Variants in OSER1 observed in about 807,000 individuals in gnomAD.
OSER1 encodes the protein oxidative stress responsive serine rich 1, also known as oxidative stress-responsive serine-rich protein 1.
OSER1 carries 15 observed loss-of-function variants against 26.3 expected under a neutral mutation model. The observed-to-expected ratio is 0.57, with a 90% CI of 0.38 to 0.88. The LOEUF (loss-of-function observed/expected upper bound fraction) is 0.88. Ranked by LOEUF, OSER1 falls within the 40% of genes least tolerant of loss-of-function variation. The pLI is 0.00. For synonymous variants in OSER1, 127 were observed against 128.2 expected, an observed-to-expected ratio of 0.99 and a Z score of 0.07; for missense variants, 313 against 353.9, an observed-to-expected ratio of 0.88 and a Z score of 0.93.
chr20:44,208,387 GA>G (rs1367588431), intron 1 of OSER1, among the ~76,000 whole-genome samples: 1 of 143,380 alleles, frequency 7.0e-6, no homozygotes, highest in Non-Finnish European at 1.5e-5. Context: ...GCTCTCTGGG[GA>G]ACACTGAAAA....
intron 1 of OSER1, among the ~76,000 whole-genome samples, chr20:44,209,636 T>A (rs2073077332): frequency 6.6e-6 from 1 of 152,224 alleles, no homozygotes; most frequent in African/African-American, 2.4e-5. Flanking sequence ...CCAGGCAATT[T>A]AACTTTGCCT....
At chr20:44,211,522 A>G (rs1251065836), upstream of OSER1, among the ~76,000 whole-genome samples, 2 of 151,946 alleles carry the variant, frequency 1.3e-5, no homozygotes, top group Admixed American at 6.6e-5. Flanking sequence ...TTATCGGTGA[A>G]TCTCGTGTTT....
At chr20:44,204,445 T>C (rs2073019000) in intron 2 of OSER1, among the ~76,000 whole-genome samples, 1 of 152,232 alleles carries the variant, frequency 6.6e-6, no homozygotes, top group African/African-American at 2.4e-5. Flanking sequence ...CTTCCCTTCT[T>C]ATAATTTTAC....
chr20:44,211,250 C>T (rs944559848), upstream of OSER1: 2 of 152,358 alleles, frequency 1.3e-5, no homozygotes, highest in African/African-American at 4.8e-5. Context: ...AGCGCTTGGC[C>T]AGAGTTTCTG....
upstream of OSER1, chr20:44,211,098 C>T (rs990581405): frequency 6.6e-6 from 1 of 152,436 alleles, no homozygotes; most frequent in South Asian, 2.1e-4. Context: ...AGGCGTCATT[C>T]TTCACAGTAG....
chr20:44,203,012 G>A lies in OSER1; in HGVS notation c.140C>T (p.Thr47Ile). 6.2e-7 allele frequency: 1 copy of A among 1,613,504 alleles called. No homozygotes were observed. The highest frequency in any genetic ancestry group is 1.7e-5 in the Admixed American group (1 of 60,014). The change falls in exon 3 of 4, where the codon ACA becomes ATA. Residue 47 changes from threonine (T) to isoleucine (I), a missense_variant. Physicochemically the swap from Thr to Ile is moderately conservative, Grantham distance 89. Coordinates refer to ENST00000255174, the MANE Select transcript of OSER1 (RefSeq NM_016470.8). ...TGVRAPVRTA[T>I]DDTKPKTTCA... is the part of the protein sequence containing the mutation. ...TGTGGTTTTAGGTTTGGTATCATCTGTTGCTGTTCTGACTGGTGCTCTGAC... is the reference window on the plus strand; with the variant it reads ...TGTGGTTTTAGGTTTGGTATCATCTATTGCTGTTCTGACTGGTGCTCTGAC...
chr20:44,206,869 A>G lies in OSER1; in HGVS notation c.77+12T>C. On this transcript the variant is annotated intron_variant, in intron 2 of 3. Transcript: ENST00000255174. ...CAAATAATTCCAAATAATATATTAC[A>G]TATTTAATTACCCTGATGCATCCAC... 9.9e-7 allele frequency: 1 copy of G among 1,005,802 alleles called. No individual in the cohort carries two copies. The highest frequency in any genetic ancestry group is 1.3e-5 in the South Asian group (1 of 77,082). 62.3% of individuals were successfully genotyped at this position (1,005,802 alleles called of 1,614,324 possible).
intron 1 of OSER1, among the ~76,000 whole-genome samples, chr20:44,209,635 T>G (rs906021135): frequency 2.0e-5 from 3 of 152,188 alleles, no homozygotes; most frequent in Non-Finnish European, 4.4e-5. Flanking sequence ...ACCAGGCAAT[T>G]TAACTTTGCC....
intron 2 of OSER1, among the ~76,000 whole-genome samples, chr20:44,204,606 C>T (rs113581194): frequency 6.9e-4 from 105 of 152,186 alleles, no homozygotes; most frequent in African/African-American, 2.5e-3. Flanking sequence ...AGGTAGTGAA[C>T]ACAGTACCCT....
In OSER1 at chr20:44,197,097, A is replaced by G. The variant is rs377752963; in HGVS notation, c.834T>C (p.Tyr278=). ...DLSGYMEYYL[Y]IPKKMSHMAE... ...CCATGTGGGACATTTTCTTGGGAAT[A>G]TACAAGTAATACTCCATGTAGCCTG... The change falls in exon 4 of 4, where the codon TAT becomes TAC. Residue 278 remains tyrosine, a synonymous_variant. Transcript: ENST00000255174. 1.8e-4 allele frequency: 290 copies of G among 1,613,672 alleles called. 5 individuals are homozygous for G. The South Asian group carries it at 3.0e-3, about 17-fold the overall frequency.
intron 3 of OSER1, 63 bp from the exon 4 acceptor site, chr20:44,197,802 T>G: frequency 9.0e-7 from 1 of 1,107,896 alleles, no homozygotes; most frequent in South Asian, 1.5e-5. Context: ...AACAGATTCT[T>G]TATGACAGTA....
At chr20:44,199,730 A>G (rs1194484376) in intron 3 of OSER1, among the ~76,000 whole-genome samples, 1 of 152,246 alleles carries the variant, frequency 6.6e-6, no homozygotes, top group Non-Finnish European at 1.5e-5. Flanking sequence ...AGTGCATGTA[A>G]GTCCTTAGTT....
chr20:44,206,126 G>A (rs1281951697), intron 2 of OSER1, among the ~76,000 whole-genome samples: 3 of 152,038 alleles, frequency 2.0e-5, no homozygotes, highest in Admixed American at 6.6e-5. Flanking sequence ...TAAATAATGC[G>A]CACAAAGTAC....
At chr20:44,210,377 G>C (rs1172328185) in intron 1 of OSER1, among the ~76,000 whole-genome samples, 1 of 152,240 alleles carries the variant, frequency 6.6e-6, no homozygotes. Flanking sequence ...AGGACTGGAA[G>C]GGGCAAAGGG....
At chr20:44,200,610 AAG>A (rs2072970987) in intron 3 of OSER1, among the ~76,000 whole-genome samples, 2 of 152,286 alleles carry the variant, frequency 1.3e-5, no homozygotes, top group Non-Finnish European at 2.9e-5. Context: ...ATGACAGAGT[AAG>A]TCTGGAATTT....
At chr20:44,198,797 A>G (rs2072950812) in intron 3 of OSER1, among the ~76,000 whole-genome samples, 1 of 152,218 alleles carries the variant, frequency 6.6e-6, no homozygotes, top group Non-Finnish European at 1.5e-5. Context: ...AGTTTCAGTT[A>G]CCTGCAGTCA....
chr20:44,207,006 AG>A lies in OSER1; in HGVS notation c.-41-9del. The A allele has an allele frequency of 7.3e-7, 1 of 1,374,298 alleles. No homozygotes were observed. The highest frequency in any genetic ancestry group is 1.0e-6 in the Non-Finnish European group (1 of 968,956). 85.1% of individuals were successfully genotyped at this position (1,374,298 alleles called of 1,614,324 possible). ...TCGATGTTCCTGTTTACACTAAAAA[AG>A]AAAATAAAGTGAGCAAAGTAAAAAC... On this transcript the variant is annotated splice_polypyrimidine_tract_variant and intron_variant, in intron 1 of 3. Transcript: ENST00000255174.
At chr20:44,208,405 CAAAA>C (rs556443487) in intron 1 of OSER1, among the ~76,000 whole-genome samples, 138 of 128,870 alleles carry the variant, frequency 1.1e-3, no homozygotes, top group African/African-American at 4.5e-3. Context: ...AAAACAGTCT[CAAAA>C]GAATTCAGCT....
Position 44,197,190 on chromosome 20 carries a change from A to C in OSER1, c.741T>G (p.Ser247=). 1 of 1,614,250 alleles carries C rather than the reference A, an allele frequency of 6.2e-7. No homozygotes were observed. The highest frequency in any genetic ancestry group is 1.1e-5 in the South Asian group (1 of 91,086). Residue 247 remains serine (S), a synonymous_variant, in exon 4 of 4, where the codon TCT becomes TCG. Transcript: ENST00000255174. ...YSQSLHARTL[S]GSPRSCSEQA... Reference sequence around the variant, plus strand: ...GCTCAGAACAGGATCGGGGAGAGCCAGACAGAGTTCTGGCGTGCAGCGACT... The same window carrying C: ...GCTCAGAACAGGATCGGGGAGAGCCCGACAGAGTTCTGGCGTGCAGCGACT...
Sources: allele counts gnomAD v4.1 joint callset (sites outside exome capture counted in the v4.1 genomes callset), GRCh38; gene constraint gnomAD v4.1.1; transcripts MANE v1.5; gene names NCBI Gene and HGNC (gene_info 2026-07-23, HGNC 2026-07-21).